Variants in LARGE1 observed in about 807,000 individuals in gnomAD.
The protein encoded by LARGE1 is xylosyl- and glucuronyltransferase LARGE1.
A neutral mutation model predicts 87.6 loss-of-function variants in LARGE1; 43 were observed. The observed-to-expected ratio is 0.49, with a 90% CI of 0.38 to 0.63. The LOEUF is 0.63. Among genes scored for constraint, LARGE1 ranks in the 30% least tolerant of loss-of-function variants. The pLI is 0.00. For missense variants in LARGE1, 802 were observed against 1,000.2 expected (o/e 0.80, Z 2.67); for synonymous variants, 434 against 394.6 (o/e 1.10, Z -1.18).
At chr22:33,308,160 G>A (rs781779368) in intron 11 of LARGE1, among the ~76,000 whole-genome samples, 7 of 152,168 alleles carry the variant, frequency 4.6e-5, no homozygotes, top group Non-Finnish European at 8.8e-5. Context: ...AGTCATAAAG[G>A]AACAGGTAGG....
intron 6 of LARGE1, among the ~76,000 whole-genome samples, chr22:33,490,630 T>C (rs1284381170): frequency 6.6e-6 from 1 of 152,250 alleles, no homozygotes; most frequent in Non-Finnish European, 1.5e-5. Flanking sequence ...AATCTGATAG[T>C]GGATGCCATA....
the LARGE1 span, among the ~76,000 whole-genome samples, chr22:33,082,373 G>A: frequency 5.3e-5 from 8 of 152,300 alleles, no homozygotes; most frequent in South Asian, 1.0e-3. Context: ...GTCATTTGCT[G>A]ATCATCTTCT....
intron 11 of LARGE1, among the ~76,000 whole-genome samples, chr22:33,309,584 C>T (rs1021641240): frequency 5.9e-5 from 9 of 152,192 alleles, no homozygotes; most frequent in Non-Finnish European, 1.2e-4. Context: ...CCAAATCGAC[C>T]GAAGCCTTGA....
chr22:33,306,460 C>T (rs891084705), intron 11 of LARGE1, among the ~76,000 whole-genome samples: 1 of 152,264 alleles, frequency 6.6e-6, no homozygotes, highest in South Asian at 2.1e-4. Flanking sequence ...GACCACTTCT[C>T]AGGATTCTCT....
chr22:33,683,924 C>G (rs902662999), intron 2 of LARGE1, among the ~76,000 whole-genome samples: 3 of 152,236 alleles, frequency 2.0e-5, no homozygotes, highest in Admixed American at 2.0e-4. Flanking sequence ...AGCGCCACCA[C>G]AGTCTGGTCC....
At chr22:33,097,181 G>A in the LARGE1 span, among the ~76,000 whole-genome samples, 1 of 152,330 alleles carries the variant, frequency 6.6e-6, no homozygotes, top group East Asian at 1.9e-4. Context: ...AGCACTGGAG[G>A]AAGAGATGGT....
rs73399532 is a variant in LARGE1, at chr22:33,283,372, A to G, written c.1731-24T>C. 6.1e-3 allele frequency: 9,875 copies of G among 1,614,016 alleles called. 496 individuals are homozygous for G. The African/African-American group carries it at 0.11, about 19-fold the overall frequency. ...TCCTGAAAAGAGGGGACAGGCAGAG[A>G]GACAGAGTCCCTGTGACACCAGGCC... On this transcript the variant is annotated intron_variant, in intron 12 of 14. Transcript: ENST00000397394.
chr22:33,891,547 C>G (rs79914673), intron 1 of LARGE1, among the ~76,000 whole-genome samples: 172 of 152,154 alleles, frequency 1.1e-3, no homozygotes, highest in African/African-American at 4.0e-3. Flanking sequence ...AAGTAACTTA[C>G]CCTTCTCTGG....
intron 5 of LARGE1, among the ~76,000 whole-genome samples, chr22:33,602,883 A>C (rs1220544983): frequency 2.6e-5 from 4 of 152,154 alleles, no homozygotes; most frequent in Non-Finnish European, 5.9e-5. Context: ...TCCTACCCAA[A>C]GAAAGGTAAA....
At chr22:33,486,693 A>G (rs2069594181) in intron 6 of LARGE1, among the ~76,000 whole-genome samples, 1 of 152,184 alleles carries the variant, frequency 6.6e-6, no homozygotes, top group South Asian at 2.1e-4. Context: ...CCGCTTTGGC[A>G]ACTGTCACAC....
intron 2 of LARGE1, among the ~76,000 whole-genome samples, chr22:33,731,776 G>A (rs2149481740): frequency 6.6e-6 from 1 of 152,248 alleles, no homozygotes; most frequent in Non-Finnish European, 1.5e-5. Flanking sequence ...TATAGACTGT[G>A]GTAATGGGTT....
intron 1 of LARGE1, among the ~76,000 whole-genome samples, chr22:33,890,313 G>A (rs1037216124): frequency 1.3e-5 from 2 of 152,126 alleles, no homozygotes; most frequent in Non-Finnish European, 2.9e-5. Flanking sequence ...GGTTTTATGT[G>A]AGGATTTAAA....
chr22:33,186,710 T>C (rs543575935), intron 11 of LARGE1, among the ~76,000 whole-genome samples: 2 of 152,306 alleles, frequency 1.3e-5, no homozygotes, highest in South Asian at 4.1e-4. Context: ...ATTGTTTACA[T>C]TGAAAATTCT....
chr22:33,897,400 G>C (rs1172841351), intron 1 of LARGE1, among the ~76,000 whole-genome samples: 1 of 152,184 alleles, frequency 6.6e-6, no homozygotes, highest in African/African-American at 2.4e-5. Context: ...ATTTCAGGCA[G>C]AATAAGGGGT....
At chr22:33,082,497 C>G in the LARGE1 span, among the ~76,000 whole-genome samples, 1 of 152,160 alleles carries the variant, frequency 6.6e-6, no homozygotes, top group Admixed American at 6.5e-5. Flanking sequence ...TTTGAAGCTG[C>G]TTGACATCTG....
At chr22:33,630,803 C>T (rs962888110) in intron 3 of LARGE1, among the ~76,000 whole-genome samples, 1 of 151,868 alleles carries the variant, frequency 6.6e-6, no homozygotes. Flanking sequence ...AAAAATTAAA[C>T]TTAGCTTACT....
intron 6 of LARGE1, among the ~76,000 whole-genome samples, chr22:33,552,121 G>A (rs999574090): frequency 1.3e-5 from 2 of 151,884 alleles, no homozygotes; most frequent in Non-Finnish European, 2.9e-5. Context: ...AATTTCTAAC[G>A]GACTGAGCAT....
intron 1 of LARGE1, among the ~76,000 whole-genome samples, chr22:33,762,700 C>T (rs1455147854): frequency 7.2e-5 from 11 of 152,138 alleles, no homozygotes; most frequent in Admixed American, 2.6e-4. Context: ...GATGTGTCAA[C>T]GGAAGAGGGA....
At chr22:33,849,427 G>A in intron 1 of LARGE1, among the ~76,000 whole-genome samples, 1 of 151,920 alleles carries the variant, frequency 6.6e-6, no homozygotes, top group East Asian at 1.9e-4. Flanking sequence ...GTGAGGGCAG[G>A]AGCTCCAGTC....
Sources: allele counts gnomAD v4.1 joint callset (sites outside exome capture counted in the v4.1 genomes callset), GRCh38; gene constraint gnomAD v4.1.1; transcripts MANE v1.5; gene names NCBI Gene and HGNC (gene_info 2026-07-23, HGNC 2026-07-21).